The following SLC38A9 variants were observed in gnomAD, a reference collection of about 807,000 sequenced individuals.
SLC38A9 encodes the protein neutral amino acid transporter 9.
In SLC38A9, 48 loss-of-function variants were observed where a neutral mutation model predicts 62.3. The ratio of observed to expected loss-of-function variants is 0.77; its 90% CI spans 0.61 to 0.98. SLC38A9 has a LOEUF of 0.98. Ranked by LOEUF, SLC38A9 falls within the 50% of genes least tolerant of loss-of-function variation. SLC38A9 has a pLI of 0.00. For missense variants in SLC38A9, 541 were observed against 679.8 expected, an observed-to-expected ratio of 0.80 and a Z score of 2.27; for synonymous variants, 204 against 227.7, an observed-to-expected ratio of 0.90 and a Z score of 0.94.
intron 2 of SLC38A9, among the ~76,000 whole-genome samples, chr5:55,706,697 A>T (rs1757337762): frequency 6.6e-6 from 1 of 152,194 alleles, no homozygotes; most frequent in Admixed American, 6.5e-5. Flanking sequence ...TATAATATTC[A>T]AGTAAATATG....
chr5:55,687,426 C>A (rs1360410696), intron 3 of SLC38A9, among the ~76,000 whole-genome samples: 75 of 76,418 alleles, frequency 9.8e-4, no homozygotes, highest in East Asian at 1.3e-3. Context: ...GACTCCGTCT[C>A]AAAAAAAAAA....
chr5:55,665,534 G>T (rs1306981171), intron 7 of SLC38A9, among the ~76,000 whole-genome samples: 1 of 143,396 alleles, frequency 7.0e-6, no homozygotes, highest in African/African-American at 2.6e-5. Context: ...ATGACAAAGT[G>T]AGACTCCATC....
chr5:55,652,218 T>A lies in SLC38A9; in HGVS notation c.952+311A>T, dbSNP rs60973406. 4.6e-3 allele frequency among the ~76,000 whole-genome samples: 695 copies of A among 150,708 alleles called. 6 individuals are homozygous for A. Among genetic ancestry groups the A allele is most frequent in the Non-Finnish European group, 6.1e-3 (412 of 67,694 alleles). On this transcript the variant is annotated intron_variant, in intron 10 of 15. Coordinates refer to ENST00000396865, the MANE Select transcript of SLC38A9 (RefSeq NM_173514.4). ...TACCAAAAATACAAAATTAGCTGGGTGTGGTGGCGCATACCTGTAATCCCA... is the reference window on the plus strand; with the variant it reads ...TACCAAAAATACAAAATTAGCTGGGAGTGGTGGCGCATACCTGTAATCCCA...
At chr5:55,667,616 A>C (rs910463004) in intron 7 of SLC38A9, among the ~76,000 whole-genome samples, 25 of 152,100 alleles carry the variant, frequency 1.6e-4, no homozygotes, top group Non-Finnish European at 3.2e-4. Context: ...TTTACAAATA[A>C]ATTTTACGTT....
chr5:55,655,002 T>TA, intron 9 of SLC38A9, among the ~76,000 whole-genome samples: 1 of 152,210 alleles, frequency 6.6e-6, no homozygotes. Context: ...TATGGCCAGC[T>TA]AATTAAAAAT....
intron 3 of SLC38A9, chr5:55,675,144 T>C (rs1219136392): frequency 6.6e-6 from 1 of 152,204 alleles, no homozygotes; most frequent in African/African-American, 2.4e-5. Flanking sequence ...TTCAATATTA[T>C]TGGTTCCAAC....
chr5:55,656,650 T>C, intron 9 of SLC38A9, 65 bp downstream of exon 9: 1 of 1,069,220 alleles, frequency 9.4e-7, no homozygotes, highest in South Asian at 1.3e-5. Context: ...TCACATGTTC[T>C]ACCTTAAATC....
intron 3 of SLC38A9, among the ~76,000 whole-genome samples, chr5:55,685,395 A>G (rs560827915): frequency 7.9e-5 from 12 of 152,360 alleles, no homozygotes; most frequent in Admixed American, 7.2e-4. Flanking sequence ...TTCACACAGC[A>G]TAATGTCTTC....
At chr5:55,710,086 G>GAAAAAAAAAAAAAAAAGA (rs11394301) in intron 2 of SLC38A9, among the ~76,000 whole-genome samples, 1 of 118,902 alleles carries the variant, frequency 8.4e-6, no homozygotes, top group Non-Finnish European at 1.7e-5. Flanking sequence ...AAAAAAAAAA[G>GAAAAAAAAAAAAAAAAGA]AAAAAAAAAA....
intron 8 of SLC38A9, among the ~76,000 whole-genome samples, chr5:55,660,144 G>C (rs67298506): frequency 0.6 from 89,749 of 149,618 alleles, 27,342 homozygotes; most frequent in South Asian, 0.7. Context: ...GGCACGGTGG[G>C]TCACGCCTGT....
intron 3 of SLC38A9, among the ~76,000 whole-genome samples, chr5:55,693,920 G>C (rs1189686321): frequency 6.6e-6 from 1 of 152,084 alleles, no homozygotes; most frequent in African/African-American, 2.4e-5. Flanking sequence ...TGAAAAATTA[G>C]CCAGGTGCAG....
intron 9 of SLC38A9, among the ~76,000 whole-genome samples, chr5:55,653,970 C>T (rs67424964): frequency 0.039 from 5,952 of 152,168 alleles, 155 homozygotes; most frequent in African/African-American, 0.082. Context: ...ACGTATGTTT[C>T]TTAAATACTG....
intron 12 of SLC38A9, among the ~76,000 whole-genome samples, chr5:55,641,032 G>T (rs1745376896): frequency 6.6e-6 from 1 of 151,862 alleles, no homozygotes; most frequent in South Asian, 2.1e-4. Context: ...TAGAGATGGG[G>T]TTTCTCCATG....
intron 3 of SLC38A9, chr5:55,694,205 CTCA>C: frequency 7.4e-6 from 1 of 134,544 alleles, no homozygotes; most frequent in Non-Finnish European, 1.4e-5. Flanking sequence ...GAGACCCTGT[CTCA>C]AAAAAAAAAA....
intron 1 of SLC38A9, among the ~76,000 whole-genome samples, chr5:55,712,014 G>A (rs1024020434): frequency 2.0e-5 from 3 of 152,174 alleles, no homozygotes; most frequent in Non-Finnish European, 4.4e-5. Context: ...AGGAGCGCGC[G>A]CCGTGCCTCC....
At chr5:55,698,060 T>C in intron 2 of SLC38A9, 68 bp from the exon 3 acceptor site, 2 of 602,430 alleles carry the variant, frequency 3.3e-6, no homozygotes, top group Non-Finnish European at 5.7e-6. Context: ...TAATAAATAT[T>C]CATGAATAAC....
chr5:55,635,753 G>A (rs554203005), intron 12 of SLC38A9, 96 bp from the exon 13 acceptor site: 1 of 782,476 alleles, frequency 1.3e-6, no homozygotes, highest in Non-Finnish European at 2.1e-6. Context: ...TATAAAATTT[G>A]TCTTTTTACC....
rs191982141 is a variant in SLC38A9 at position 55,650,863 on chromosome 5, C to T, written c.953-1549G>A. Among the ~76,000 whole-genome samples the T allele has an allele frequency of 1.1e-4, 16 of 152,338 alleles. No homozygotes were observed. The East Asian group carries it at 3.1e-3, about 29-fold the overall frequency. On this transcript the variant is annotated intron_variant, in intron 10 of 15. Coordinates refer to ENST00000396865, the MANE Select transcript of SLC38A9 (RefSeq NM_173514.4). ...CTGGAGTGCAATGGCATGATCTCGG[C>T]TCACTGCAACCTCCGCCTCCTGGGT... is the stretch of plus-strand genomic sequence containing the variant.
intron 4 of SLC38A9, among the ~76,000 whole-genome samples, chr5:55,670,897 G>GA (rs1289561993): frequency 6.6e-6 from 1 of 152,002 alleles, no homozygotes; most frequent in South Asian, 2.1e-4. Flanking sequence ...AAAAAATTGG[G>GA]AAAAAAATTA....
Sources: allele counts gnomAD v4.1 joint callset (sites outside exome capture counted in the v4.1 genomes callset), GRCh38; gene constraint gnomAD v4.1.1; transcripts MANE v1.5; gene names NCBI Gene and HGNC (gene_info 2026-07-23, HGNC 2026-07-21).